FOXO4: variants seen among roughly 807,000 people sequenced by gnomAD.
FOXO4 encodes the protein forkhead box protein O4.
FOXO4 carries 3 observed loss-of-function variants against 20.8 expected under a neutral mutation model. The ratio of observed to expected loss-of-function variants is 0.14; its 90% CI spans 0.07 to 0.37. The LOEUF (loss-of-function observed/expected upper bound fraction) is 0.37. Ranked by LOEUF, FOXO4 falls within the 10% of genes least tolerant of loss-of-function variation. The pLI is 1.00. For missense variants in FOXO4, 309 were observed against 431.9 expected (o/e 0.72, Z 2.52); for synonymous variants, 158 against 180.0 (o/e 0.88, Z 0.98).
rs2092235782 is a variant in FOXO4 at position 71,102,995 on chromosome X, C to T, written c.*911C>T. ...GCAGCCACACTCTTCTATGACCCAG[C>T]ATGGGTTAGTGCTATGGTGGGAGAG... On this transcript the variant is annotated 3_prime_UTR_variant, in exon 3 of 3. Transcript: ENST00000374259. 1 of 175,737 alleles carries T rather than the reference C, an allele frequency of 5.7e-6. No individual in the cohort carries two copies. Among genetic ancestry groups the T allele is most frequent in the Non-Finnish European group, 1.1e-5 (1 of 90,873 alleles). 14.5% of individuals were successfully genotyped at this position (175,737 alleles called of 1,213,427 possible).
At chrX:71,101,817 G>A (rs1190584701) in intron 2 of FOXO4, 77 bp downstream of exon 2, 8 of 886,999 alleles carry the variant, frequency 9.0e-6, no homozygotes, top group East Asian at 3.1e-5. Flanking sequence ...CCATGATCTG[G>A]GCGAAGGGGA....
In FOXO4 at chrX:71,103,283, T is replaced by TG. The variant is rs977510070; in HGVS notation, c.*1207dup. ...TGAGGGTCTGGGAAATGAGCAGGGATGGGGGGGGATGTGGATCAGGTTTAC... is the reference window on the plus strand; with the variant it reads ...TGAGGGTCTGGGAAATGAGCAGGGATGGGGGGGGGATGTGGATCAGGTTTAC... On this transcript the variant is annotated 3_prime_UTR_variant, in exon 3 of 3. Transcript: ENST00000374259. 18 of 163,906 alleles carry TG rather than the reference T, an allele frequency of 1.1e-4. No homozygotes were observed. Among genetic ancestry groups the TG allele is most frequent in the Middle Eastern group, 1.1e-3 (1 of 931 alleles). 13.5% of individuals were successfully genotyped at this position (163,906 alleles called of 1,213,427 possible).
In FOXO4 at chrX:71,096,702, A is replaced by C; in HGVS notation, c.174A>C (p.Val58=). 8.3e-7 allele frequency: 1 copy of C among 1,209,191 alleles called. No individual in the cohort carries two copies. The highest frequency in any genetic ancestry group is 1.1e-6 in the Non-Finnish European group (1 of 894,227). ...TGGAGCCAGATCTGGGGGAAAAGGTACACACGGAGGGGCGCTCAGAGCCGA... is the reference window on the plus strand; with the variant it reads ...TGGAGCCAGATCTGGGGGAAAAGGTCCACACGGAGGGGCGCTCAGAGCCGA... ...PEVEPDLGEK[V]HTEGRSEPIL... Residue 58 remains valine (V), a synonymous_variant, in exon 1 of 3, where the codon GTA becomes GTC. Coordinates refer to ENST00000374259, the MANE Select transcript of FOXO4 (RefSeq NM_005938.4).
At position 71,095,885 on chromosome X, in the gene FOXO4, C is replaced by A. The variant is rs1026116092; in HGVS notation, c.-644C>A. ...TGCCCCGGCGAGTGGTAAACAGAGACGTCAGGAGGGGGCTGCTGCTTGGAG... is the reference window on the plus strand; with the variant it reads ...TGCCCCGGCGAGTGGTAAACAGAGAAGTCAGGAGGGGGCTGCTGCTTGGAG... On this transcript the variant is annotated 5_prime_UTR_variant, in exon 1 of 3. Coordinates refer to ENST00000374259, the MANE Select transcript of FOXO4 (RefSeq NM_005938.4). 3.6e-5 allele frequency among the ~76,000 whole-genome samples: 3 copies of A among 83,267 alleles called. No individual in the cohort carries two copies. Among genetic ancestry groups the A allele is most frequent in the African/African-American group, 1.0e-4 (2 of 19,791 alleles). 72.3% of individuals were successfully genotyped at this position (83,267 alleles called of 115,157 possible). A position where few individuals can be genotyped will look rare whatever the true frequency, so the allele number is the denominator to read the frequency against.
chrX:71,096,168 G>A lies in FOXO4; in HGVS notation c.-361G>A, dbSNP rs1358165831. On this transcript the variant is annotated 5_prime_UTR_variant, in exon 1 of 3. Coordinates refer to ENST00000374259, the MANE Select transcript of FOXO4 (RefSeq NM_005938.4). The stretch of plus-strand genomic sequence containing the variant: ...CAACTTAAAAGGGGGAGGGAACTGC[G>A]GCTAAGGAGACGTTCGGTGATGGGA... 2 of 226,617 alleles carry A rather than the reference G, an allele frequency of 8.8e-6. No individual in the cohort carries two copies. Among genetic ancestry groups the A allele is most frequent in the Non-Finnish European group, 1.6e-5 (2 of 126,874 alleles). 18.7% of individuals were successfully genotyped at this position (226,617 alleles called of 1,213,427 possible). A position where few individuals can be genotyped will look rare whatever the true frequency, so the allele number is the denominator to read the frequency against.
Position 71,103,287 on chromosome X carries a change from G to A in FOXO4, c.*1203G>A, listed in dbSNP as rs1161956934. 5 of 165,981 alleles carry A rather than the reference G, an allele frequency of 3.0e-5. No individual in the cohort carries two copies. The highest frequency in any genetic ancestry group is 1.2e-4 in the African/African-American group (4 of 32,682). The allele number at this position is 165,981 out of a possible 1,213,427, so 13.7% of individuals were successfully genotyped here. ...GGTCTGGGAAATGAGCAGGGATGGGGGGGGATGTGGATCAGGTTTACTAGC... is the reference window on the plus strand; with the variant it reads ...GGTCTGGGAAATGAGCAGGGATGGGAGGGGATGTGGATCAGGTTTACTAGC... On this transcript the variant is annotated 3_prime_UTR_variant, in exon 3 of 3. Coordinates refer to ENST00000374259, the MANE Select transcript of FOXO4 (RefSeq NM_005938.4).
Position 71,102,156 on chromosome X carries a change from G to C in FOXO4, c.*72G>C. ...GTGTTCATATCTACTCTTTACCCTT[G>C]AGCCCTCCCCAGGAATTTGGGACCC... On this transcript the variant is annotated 3_prime_UTR_variant, in exon 3 of 3. Transcript: ENST00000374259. The C allele has an allele frequency of 2.7e-6, 3 of 1,093,181 alleles. No individual in the cohort carries two copies. The Admixed American group carries it at 6.8e-5, about 25-fold the overall frequency. The allele number at this position is 1,093,181 out of a possible 1,213,427, so 90.1% of individuals were successfully genotyped here.
chrX:71,096,444 C>G lies in FOXO4; in HGVS notation c.-85C>G, dbSNP rs1478929026. ...TGGCAGGAATGTGCCTCCTGGCCCT[C>G]GATGCTTCCCCCCTGAGGGGAGGCA... On this transcript the variant is annotated 5_prime_UTR_variant, in exon 1 of 3. Coordinates refer to ENST00000374259, the MANE Select transcript of FOXO4 (RefSeq NM_005938.4). 7.8e-6 allele frequency: 7 copies of G among 898,023 alleles called. No individual in the cohort carries two copies. The highest frequency in any genetic ancestry group is 1.1e-5 in the Non-Finnish European group (7 of 639,596). The allele number at this position is 898,023 out of a possible 1,213,427, so 74.0% of individuals were successfully genotyped here. A position where few individuals can be genotyped will look rare whatever the true frequency, so the allele number is the denominator to read the frequency against.
intron 1 of FOXO4, 126 bp downstream of exon 1, chrX:71,097,107 A>T (rs1425804585): frequency 6.2e-6 from 3 of 485,094 alleles, no homozygotes; most frequent in African/African-American, 2.8e-5. Flanking sequence ...AAGCCCAGAG[A>T]TCCACCTTCA....
rs761106714 is a variant in FOXO4 at position 71,096,764 on chromosome X, G to T, written c.236G>T (p.Gly79Val). 5.0e-6 allele frequency: 6 copies of T among 1,196,820 alleles called. No homozygotes were observed. Among genetic ancestry groups the T allele is most frequent in the African/African-American group, 3.5e-5 (2 of 56,941 alleles). Residue 79 changes from glycine to valine, a missense_variant, in exon 1 of 3, where the codon GGC becomes GTC. Transcript: ENST00000374259. ...TCTCGGCTCCCAGAGCCGGCCGGGG[G>T]CCCCCAGCCCGGAATCCTGGGGGCT... The part of the protein sequence containing the change: ...LPSRLPEPAG[G>V]PQPGILGAVT...
intron 1 of FOXO4, among the ~76,000 whole-genome samples, chrX:71,098,062 T>C (rs1339787075): frequency 1.8e-5 from 2 of 111,437 alleles, no homozygotes; most frequent in African/African-American, 6.5e-5. Flanking sequence ...CTCCCCTCCT[T>C]GGACCCAGCC....
rs1263589954 is a variant in FOXO4 at position 71,103,530 on chromosome X, C to T, written c.*1446C>T. 1 of 156,496 alleles carries T rather than the reference C, an allele frequency of 6.4e-6. No homozygotes were observed. The highest frequency in any genetic ancestry group is 3.1e-5 in the African/African-American group (1 of 32,385). The allele number at this position is 156,496 out of a possible 1,213,427, so 12.9% of individuals were successfully genotyped here. A position where few individuals can be genotyped will look rare whatever the true frequency, so the allele number is the denominator to read the frequency against. The stretch of plus-strand genomic sequence containing the variant: ...GAATAAATTCAATAAATGCCTATAA[C>T]CAGCTCTGGTTTCTGCTGCCTTGCT... On this transcript the variant is annotated 3_prime_UTR_variant, in exon 3 of 3. Transcript: ENST00000374259.
At position 71,101,395 on chromosome X, in the gene FOXO4, A is replaced by C. The variant is rs778141992; in HGVS notation, c.1165A>C (p.Ile389Leu). 8.3e-7 allele frequency: 1 copy of C among 1,211,169 alleles called. No homozygotes were observed. Among genetic ancestry groups the C allele is most frequent in the South Asian group, 1.8e-5 (1 of 56,944 alleles). ...CGTCCTCATGACCCAGGTAGATCCCATTCTGTCCCAGGCTCCGACTCTTCT... is the reference window on the plus strand; with the variant it reads ...CGTCCTCATGACCCAGGTAGATCCCCTTCTGTCCCAGGCTCCGACTCTTCT... ...ADVLMTQVDPILSQAPTLLLL... is the reference protein window; with the variant it reads ...ADVLMTQVDPLLSQAPTLLLL... Residue 389 changes from isoleucine (I) to leucine (L), a missense_variant, in exon 2 of 3, where the codon ATT (isoleucine) becomes CTT (leucine). Physicochemically the swap from Ile to Leu is conservative, Grantham distance 5. Around this residue, in one of 3 missense-constraint regions of FOXO4, gnomAD observed 223 missense variants for 302.7 expected, o/e 0.74. Transcript: ENST00000374259.
rs776314401 is a variant in FOXO4, at chrX:71,101,000, G to A, written c.770G>A (p.Arg257His). 26 of 1,209,618 alleles carry A rather than the reference G, an allele frequency of 2.1e-5. No individual in the cohort carries two copies. The highest frequency in any genetic ancestry group is 6.6e-5 in the Admixed American group (3 of 45,762). The change falls in exon 2 of 3, where the codon CGT becomes CAT. Residue 257 changes from arginine to histidine, a missense_variant. Arg to His is a conservative substitution (Grantham distance 29). Around this residue, in one of 3 missense-constraint regions of FOXO4, gnomAD observed 223 missense variants for 302.7 expected, o/e 0.74. Transcript: ENST00000374259. ...GAAGCCGATATGTGGACCACCTTCC[G>A]TCCACGAAGCAGTTCAAATGCCAGC... ...REEADMWTTF[R>H]PRSSSNASSV... is the part of the protein sequence containing the mutation.
At position 71,103,078 on chromosome X, in the gene FOXO4, G is replaced by T. The variant is rs1216994118; in HGVS notation, c.*994G>T. On this transcript the variant is annotated 3_prime_UTR_variant, in exon 3 of 3. Transcript: ENST00000374259. Reference sequence around the variant, plus strand: ...GGGAAGGGACTGGGAGGGGAGAGAAGAGAAGGAGGGAAGGATTTAGGATGG... The same window carrying T: ...GGGAAGGGACTGGGAGGGGAGAGAATAGAAGGAGGGAAGGATTTAGGATGG... The T allele has an allele frequency of 1.2e-5, 2 of 173,394 alleles. No individual in the cohort carries two copies. Among genetic ancestry groups the T allele is most frequent in the Non-Finnish European group, 2.2e-5 (2 of 90,406 alleles). 14.3% of individuals were successfully genotyped at this position (173,394 alleles called of 1,213,427 possible).
Position 71,096,474 on chromosome X carries a change from G to C in FOXO4, c.-55G>C. On this transcript the variant is annotated 5_prime_UTR_variant, in exon 1 of 3. Transcript: ENST00000374259. Reference sequence around the variant, plus strand: ...CTTCCCCCCTGAGGGGAGGCATCGTGAGGGACTGTGGCAGGCTTCACTGAA... The same window carrying C: ...CTTCCCCCCTGAGGGGAGGCATCGTCAGGGACTGTGGCAGGCTTCACTGAA... 9.3e-7 allele frequency: 1 copy of C among 1,070,052 alleles called. No individual in the cohort carries two copies. The highest frequency in any genetic ancestry group is 1.3e-6 in the Non-Finnish European group (1 of 782,410). 88.2% of individuals were successfully genotyped at this position (1,070,052 alleles called of 1,213,427 possible).
chrX:71,101,432 G>T lies in FOXO4; in HGVS notation c.1202G>T (p.Gly401Val), dbSNP rs374390953. 3.6e-5 allele frequency: 43 copies of T among 1,209,432 alleles called. No individual in the cohort carries two copies. Among genetic ancestry groups the T allele is most frequent in the Non-Finnish European group, 4.6e-5 (41 of 895,010 alleles). The change falls in exon 2 of 3, where the codon GGG (glycine) becomes GTG (valine). Residue 401 changes from glycine to valine, a missense_variant. Physicochemically the swap from Gly to Val is moderately radical, Grantham distance 109. This residue lies in a region of FOXO4 where 223 missense variants were observed against 302.7 expected (regional missense o/e 0.74). Coordinates refer to ENST00000374259, the MANE Select transcript of FOXO4 (RefSeq NM_005938.4). ...SQAPTLLLLG[G>V]LPSSSKLATG... ...GCTCCGACTCTTCTGTTGCTGGGGGGGCTTCCTTCCTCCAGTAAGCTGGCC... is the reference window on the plus strand; with the variant it reads ...GCTCCGACTCTTCTGTTGCTGGGGGTGCTTCCTTCCTCCAGTAAGCTGGCC...
At position 71,095,911 on chromosome X, in the gene FOXO4, C is replaced by CA. The variant is rs2092216355; in HGVS notation, c.-614dup. ...GTCAGGAGGGGGCTGCTGCTTGGAG[C>CA]AAAACAAAAGGGAAACCCGGGGGGC... is the stretch of plus-strand genomic sequence containing the variant. On this transcript the variant is annotated 5_prime_UTR_variant, in exon 1 of 3. It introduces an in-frame stop codon into an upstream open reading frame of the 5' UTR. Coordinates refer to ENST00000374259, the MANE Select transcript of FOXO4 (RefSeq NM_005938.4). 2.9e-5 allele frequency among the ~76,000 whole-genome samples: 2 copies of CA among 69,261 alleles called. No homozygotes were observed. Among genetic ancestry groups the CA allele is most frequent in the Non-Finnish European group, 5.0e-5 (2 of 39,683 alleles). 60.1% of individuals were successfully genotyped at this position (69,261 alleles called of 115,157 possible). A position where few individuals can be genotyped will look rare whatever the true frequency, so the allele number is the denominator to read the frequency against.
intron 1 of FOXO4, among the ~76,000 whole-genome samples, chrX:71,097,944 C>A (rs1368999395): frequency 9.0e-6 from 1 of 111,262 alleles, no homozygotes; most frequent in Non-Finnish European, 1.9e-5. Context: ...GGGATCAGAT[C>A]TGTGCTATCC....
Sources: gnomAD v4.1 joint callset for allele counts (sites outside exome capture counted in the v4.1 genomes callset) on GRCh38, gnomAD v4.1.1 for gene constraint, gnomAD v4.1.1 regional missense constraint, MANE v1.5 for transcripts, NCBI Gene and HGNC (gene_info 2026-07-23, HGNC 2026-07-21) for gene names.